The following INPP4B variants were observed in gnomAD, a reference collection of about 807,000 sequenced individuals.
The protein encoded by INPP4B is inositol polyphosphate-4-phosphatase type II B.
A neutral mutation model predicts 122.5 loss-of-function variants in INPP4B; 55 were observed. That is an observed-to-expected ratio of 0.45 (90% CI 0.36 to 0.56). INPP4B has a LOEUF of 0.56. Among genes scored for constraint, INPP4B ranks in the 20% least tolerant of loss-of-function variants. The probability of loss-of-function intolerance (pLI) is 0.00; values close to 1 mark genes in which losing one functional copy is unlikely to be tolerated. For synonymous variants in INPP4B, 403 were observed against 388.7 expected, an observed-to-expected ratio of 1.04 and a Z score of -0.43; for missense variants, 1,000 against 1,097.7, an observed-to-expected ratio of 0.91 and a Z score of 1.26.
intron 25 of INPP4B, among the ~76,000 whole-genome samples, chr4:142,035,963 G>A (rs1245811872): frequency 2.0e-5 from 3 of 151,872 alleles, no homozygotes; most frequent in Non-Finnish European, 4.4e-5. Context: ...TAGATACAGG[G>A]GCATACATGA....
intron 15 of INPP4B, among the ~76,000 whole-genome samples, chr4:142,174,341 T>C (rs1435646256): frequency 6.6e-6 from 1 of 152,070 alleles, no homozygotes; most frequent in Admixed American, 6.6e-5. Flanking sequence ...ATAAAGTGCC[T>C]AAAATTGTGC....
intron 25 of INPP4B, among the ~76,000 whole-genome samples, chr4:142,036,194 C>T (rs1453837400): frequency 2.0e-5 from 3 of 152,066 alleles, no homozygotes; most frequent in Middle Eastern, 3.4e-3. Flanking sequence ...TTGCTATTAT[C>T]GTTAATATTA....
chr4:142,812,324 T>A (rs2151126656), intron 1 of INPP4B, among the ~76,000 whole-genome samples: 1 of 152,290 alleles, frequency 6.6e-6, no homozygotes, highest in African/African-American at 2.4e-5. Context: ...CACACTCCTC[T>A]CATAGCTGTG....
chr4:142,164,508 G>A (rs958561988), intron 16 of INPP4B, among the ~76,000 whole-genome samples: 1 of 151,690 alleles, frequency 6.6e-6, no homozygotes, highest in East Asian at 1.9e-4. Flanking sequence ...TGTCATTAGG[G>A]CACTGATGTA....
intron 7 of INPP4B, among the ~76,000 whole-genome samples, chr4:142,394,866 C>T (rs974495714): frequency 2.0e-5 from 3 of 152,102 alleles, no homozygotes; most frequent in Non-Finnish European, 2.9e-5. Context: ...GGGTCACAGC[C>T]AAAATATCTT....
chr4:142,089,462 CACACACACACACACACACAG>C (rs1370007325), intron 23 of INPP4B, among the ~76,000 whole-genome samples: 2 of 102,564 alleles, frequency 1.9e-5, no homozygotes, highest in South Asian at 3.4e-4. Flanking sequence ...CACACACACA[CACACACACACACACACACAG>C]AGAGAGAGAG....
chr4:142,250,376 A>G (rs977133188), intron 11 of INPP4B, among the ~76,000 whole-genome samples: 5 of 152,202 alleles, frequency 3.3e-5, no homozygotes, highest in Non-Finnish European at 7.3e-5. Flanking sequence ...ATTCTCTCCC[A>G]CTCAGTAAGT....
At chr4:142,042,604 C>T (rs1218777207) in intron 25 of INPP4B, among the ~76,000 whole-genome samples, 1 of 151,788 alleles carries the variant, frequency 6.6e-6, no homozygotes, top group African/African-American at 2.4e-5. Flanking sequence ...ACTCCGTCGC[C>T]CAGGCTGGAG....
At chr4:142,813,218 C>T (rs994171388) in intron 1 of INPP4B, among the ~76,000 whole-genome samples, 2 of 152,150 alleles carry the variant, frequency 1.3e-5, no homozygotes, top group Admixed American at 6.6e-5. Context: ...ACCTTATAAC[C>T]TTTTCATAAA....
Position 142,403,017 on chromosome 4 carries a change from A to C in INPP4B, c.293T>G (p.Phe98Cys). Residue 98 changes from phenylalanine to cysteine, a missense_variant, in exon 7 of 26, where the codon TTC (phenylalanine) becomes TGC (cysteine). By Grantham distance (205) the Phe-to-Cys change is radical. Coordinates refer to ENST00000262992, the MANE Select transcript of INPP4B (RefSeq NM_001101669.3). ...CTCATAGATGGGATACTCAGATGGG[A>C]ATGTGACACCAGTCAAAAACAGTGG... ...RDPLFLTGVT[F>C]PSEYPIYEET... 6.2e-7 allele frequency: 1 copy of C among 1,611,234 alleles called. No homozygotes were observed. Among genetic ancestry groups the C allele is most frequent in the Non-Finnish European group, 8.5e-7 (1 of 1,177,374 alleles).
chr4:142,183,218 C>T (rs1831665386), intron 15 of INPP4B, among the ~76,000 whole-genome samples: 2 of 152,110 alleles, frequency 1.3e-5, no homozygotes, highest in African/African-American at 4.8e-5. Flanking sequence ...ACATACAACC[C>T]CCAAGTTGCC....
Position 142,023,743 on chromosome 4 carries a change from C to T in INPP4B, c.*5039G>A, listed in dbSNP as rs2152238247. Reference sequence around the variant, plus strand: ...GTGTGAAAGGGCAACATTTTTCTTCCTAAAGAACTGTATTTACTAAAATAT... The same window carrying T: ...GTGTGAAAGGGCAACATTTTTCTTCTTAAAGAACTGTATTTACTAAAATAT... On this transcript the variant is annotated 3_prime_UTR_variant, in exon 26 of 26. Transcript: ENST00000262992. The T allele has an allele frequency of 6.6e-6, 1 of 152,112 alleles. No homozygotes were observed. Among genetic ancestry groups the T allele is most frequent in the East Asian group, 1.9e-4 (1 of 5,184 alleles). The allele number at this position is 152,112 out of a possible 1,614,324, so 9.4% of individuals were successfully genotyped here. A position where few individuals can be genotyped will look rare whatever the true frequency, so the allele number is the denominator to read the frequency against.
intron 7 of INPP4B, among the ~76,000 whole-genome samples, chr4:142,359,746 T>C (rs1784802544): frequency 6.6e-6 from 1 of 152,046 alleles, no homozygotes; most frequent in Non-Finnish European, 1.5e-5. Flanking sequence ...TTATGCTTTA[T>C]GCTATTCAGA....
intron 7 of INPP4B, among the ~76,000 whole-genome samples, chr4:142,329,254 T>G (rs1199643154): frequency 6.6e-6 from 1 of 152,200 alleles, no homozygotes; most frequent in East Asian, 1.9e-4. Flanking sequence ...CAGGTAACTT[T>G]GATTCAGACC....
chr4:142,121,133 A>T (rs1796377008), intron 21 of INPP4B, among the ~76,000 whole-genome samples: 1 of 152,074 alleles, frequency 6.6e-6, no homozygotes, highest in Non-Finnish European at 1.5e-5. Context: ...ACTGTTTTTC[A>T]GGTGTGCGTA....
chr4:142,575,713 T>C (rs1187001635), intron 2 of INPP4B, among the ~76,000 whole-genome samples: 1 of 152,070 alleles, frequency 6.6e-6, no homozygotes, highest in Non-Finnish European at 1.5e-5. Context: ...TAGTATCATC[T>C]GCTTCAATCT....
chr4:142,419,609 C>T (rs1324275841), intron 5 of INPP4B, among the ~76,000 whole-genome samples: 1 of 152,116 alleles, frequency 6.6e-6, no homozygotes, highest in Non-Finnish European at 1.5e-5. Context: ...GTTTCTTCCA[C>T]TACAAAACAG....
intron 2 of INPP4B, among the ~76,000 whole-genome samples, chr4:142,588,926 A>T (rs528283630): frequency 2.6e-5 from 4 of 152,122 alleles, no homozygotes; most frequent in African/African-American, 9.6e-5. Flanking sequence ...TAGGACTCAT[A>T]CTATCTGATT....
intron 3 of INPP4B, among the ~76,000 whole-genome samples, chr4:142,435,646 A>T (rs567873545): frequency 6.6e-6 from 1 of 152,340 alleles, no homozygotes; most frequent in African/African-American, 2.4e-5. Context: ...AAGGAAGAGC[A>T]GTGTGGTGTG....
Sources: gnomAD v4.1 joint callset for allele counts (sites outside exome capture counted in the v4.1 genomes callset) on GRCh38, gnomAD v4.1.1 for gene constraint, MANE v1.5 for transcripts, NCBI Gene and HGNC (gene_info 2026-07-23, HGNC 2026-07-21) for gene names.